The following DSG4 variants were observed in gnomAD, a reference collection of about 807,000 sequenced individuals.
DSG4 encodes desmoglein 4, also known as desmoglein-4.
DSG4 carries 87 observed loss-of-function variants against 93.1 expected under a neutral mutation model. The ratio of observed to expected loss-of-function variants is 0.93; its 90% CI spans 0.79 to 1.12. The LOEUF (loss-of-function observed/expected upper bound fraction) is 1.12, where lower values mean the gene tolerates loss of function less well. Ranked by LOEUF, DSG4 falls within the 50% of genes most tolerant of loss-of-function variation. The pLI, the probability that DSG4 is intolerant of heterozygous loss-of-function variation, is 0.00. For synonymous variants in DSG4, 432 were observed against 452.9 expected (o/e 0.95, Z 0.59); for missense variants, 1,373 against 1,285.7 (o/e 1.07, Z -1.04).
chr18:31,389,235 C>T (rs569045832), intron 5 of DSG4, among the ~76,000 whole-genome samples: 81 of 152,258 alleles, frequency 5.3e-4, no homozygotes, highest in Admixed American at 1.7e-3. Context: ...AAGGTCCCTA[C>T]AGGGATTTAG....
At chr18:31,398,046 A>C (rs1568067212) in intron 8 of DSG4, among the ~76,000 whole-genome samples, 2 of 151,918 alleles carry the variant, frequency 1.3e-5, no homozygotes, top group South Asian at 2.1e-4. Flanking sequence ...AAAAAAAAAA[A>C]AAACTTGAGG....
rs17802140 is a variant in DSG4 at position 31,392,400 on chromosome 18, A to C, written c.1005+60A>C. The C allele has an allele frequency of 0.077, 120,650 of 1,560,796 alleles. 5,326 individuals are homozygous for C. The highest frequency in any genetic ancestry group is 0.15 in the South Asian group (13,111 of 87,784). On this transcript the variant is annotated intron_variant, in intron 8 of 15. Coordinates refer to ENST00000308128, the MANE Select transcript of DSG4 (RefSeq NM_177986.5). The stretch of plus-strand genomic sequence containing the variant: ...AATATTTTATTCCAAAGAAGTTTTA[A>C]ATGACCTTAGAGACAGAATCTGCCT...
chr18:31,389,829 G>A (rs893344159), intron 5 of DSG4, among the ~76,000 whole-genome samples: 3 of 152,006 alleles, frequency 2.0e-5, no homozygotes, highest in African/African-American at 7.2e-5. Context: ...TTTGAACTAG[G>A]ATAGTCCTCC....
chr18:31,380,998 T>C (rs1416612158), intron 1 of DSG4, among the ~76,000 whole-genome samples: 2 of 152,142 alleles, frequency 1.3e-5, no homozygotes, highest in Admixed American at 6.5e-5. Flanking sequence ...TAGATGACAA[T>C]AGAGTGTGGT....
chr18:31,410,976 A>T, intron 14 of DSG4: 2 of 1,053,924 alleles, frequency 1.9e-6, no homozygotes, highest in Non-Finnish European at 2.7e-6. Context: ...CTACACCTTT[A>T]AGTCTAGGGC....
At position 31,390,576 on chromosome 18, in the gene DSG4, C is replaced by T. The variant is rs550557978; in HGVS notation, c.518-80C>T. 3.9e-6 allele frequency: 6 copies of T among 1,554,150 alleles called. No homozygotes were observed. The African/African-American group carries it at 8.1e-5, about 21-fold the overall frequency. ...AGAGAATTCAGGAGAAGGCCAACCA[C>T]TCTGTCTTCTTATGCCTAATGATTT... On this transcript the variant is annotated intron_variant, in intron 5 of 15. Coordinates refer to ENST00000308128, the MANE Select transcript of DSG4 (RefSeq NM_177986.5).
intron 2 of DSG4, among the ~76,000 whole-genome samples, 172 bp from the exon 3 acceptor site, chr18:31,386,516 G>A (rs1254392310): frequency 6.6e-6 from 1 of 152,160 alleles, no homozygotes; most frequent in African/African-American, 2.4e-5. Context: ...GTGGCAGCCA[G>A]GGGTAACCAA....
intron 5 of DSG4, 91 bp downstream of exon 5, chr18:31,389,109 G>A: frequency 6.8e-7 from 1 of 1,478,478 alleles, no homozygotes; most frequent in South Asian, 1.2e-5. Flanking sequence ...GAAATGTAAA[G>A]GACAGAAAAA....
In DSG4 at chr18:31,406,331, G is replaced by A; in HGVS notation, c.1891G>A (p.Ala631Thr). 1 of 1,614,212 alleles carries A rather than the reference G, an allele frequency of 6.2e-7. No individual in the cohort carries two copies. The highest frequency in any genetic ancestry group is 1.3e-5 in the African/African-American group (1 of 75,062). The change falls in exon 12 of 16, where the codon GCA (alanine) becomes ACA (threonine). Residue 631 changes from alanine (A) to threonine (T), a missense_variant. Physicochemically the swap from Ala to Thr is moderately conservative, Grantham distance 58. Transcript: ENST00000308128. ...AGVSNVGLGP[A>T]GIGMMVLGIL... ...AGTTTCAAATGTTGGTCTTGGACCA[G>A]CAGGGATTGGCATGATGGTTCTGGG...
rs774667369 is a variant in DSG4 at position 31,413,568 on chromosome 18, C to A, written c.3096C>A (p.Tyr1032Ter). Residue 1032 changes from tyrosine (Y) to a stop codon, truncating the protein, a stop_gained, in exon 16 of 16, where the codon TAC becomes TAA. Coordinates refer to ENST00000308128, the MANE Select transcript of DSG4 (RefSeq NM_177986.5). LOFTEE classifies it high-confidence loss of function. ...PMTSRHRVTRYSNIHYTQQ is the reference protein window; with the variant it reads ...PMTSRHRVTR ...CATCTCGACACAGAGTAACACGATACAGTAACATACATTACACCCAACAGT... is the reference window on the plus strand; with the variant it reads ...CATCTCGACACAGAGTAACACGATAAAGTAACATACATTACACCCAACAGT... The A allele has an allele frequency of 1.2e-6, 2 of 1,613,968 alleles. No individual in the cohort carries two copies. The highest frequency in any genetic ancestry group is 8.5e-7 in the Non-Finnish European group (1 of 1,180,004).
At chr18:31,410,514 TG>T (rs2072475475) in intron 14 of DSG4, among the ~76,000 whole-genome samples, 1 of 151,964 alleles carries the variant, frequency 6.6e-6, no homozygotes, top group South Asian at 2.1e-4. Flanking sequence ...TAATACAAGC[TG>T]TTTTTTTTTA....
Position 31,403,457 on chromosome 18 carries a change from G to A in DSG4, c.1459G>A (p.Val487Ile). 3 of 1,613,730 alleles carry A rather than the reference G, an allele frequency of 1.9e-6. No homozygotes were observed. Among genetic ancestry groups the A allele is most frequent in the Non-Finnish European group, 2.5e-6 (3 of 1,179,844 alleles). Residue 487 changes from valine (V) to isoleucine (I), a missense_variant, in exon 11 of 16, where the codon GTT (valine) becomes ATT (isoleucine). Physicochemically the swap from Val to Ile is conservative, Grantham distance 29 (BLOSUM62 3). Coordinates refer to ENST00000308128, the MANE Select transcript of DSG4 (RefSeq NM_177986.5). ...KTATGTICIE[V>I]PDINDYCPNI... ...AGCTACAGGAACCATATGTATTGAG[G>A]TTCCTGATATCAATGATTATTGTCC...
At chr18:31,407,662 A>G (rs1228358646) in intron 12 of DSG4, among the ~76,000 whole-genome samples, 3 of 152,258 alleles carry the variant, frequency 2.0e-5, no homozygotes, top group African/African-American at 4.8e-5. Flanking sequence ...CATAAAAAAT[A>G]ACAGCTGACT....
In DSG4 at chr18:31,400,993, T is replaced by C; in HGVS notation, c.1390T>C (p.Tyr464His). ...KKSKYIINGIYTAEILAIDDG... is the reference protein window; with the variant it reads ...KKSKYIINGIHTAEILAIDDG... Reference sequence around the variant, plus strand: ...GTCAAAATATATTATCAATGGGATATACACAGCAGAGATCCTGGCTATAGA... The same window carrying C: ...GTCAAAATATATTATCAATGGGATACACACAGCAGAGATCCTGGCTATAGA... Residue 464 changes from tyrosine (Y) to histidine (H), a missense_variant, in exon 10 of 16, where the codon TAC (tyrosine) becomes CAC (histidine). Transcript: ENST00000308128. The C allele has an allele frequency of 6.2e-7, 1 of 1,608,070 alleles. No individual in the cohort carries two copies. Among genetic ancestry groups the C allele is most frequent in the Non-Finnish European group, 8.5e-7 (1 of 1,176,650 alleles).
chr18:31,384,435 A>G (rs2072166082), intron 1 of DSG4, among the ~76,000 whole-genome samples: 1 of 152,202 alleles, frequency 6.6e-6, no homozygotes, highest in Non-Finnish European at 1.5e-5. Context: ...TAGGCTGCTC[A>G]ATAAAAACCT....
In DSG4 at chr18:31,411,084, G is replaced by A. The variant is rs559058148; in HGVS notation, c.2138-147G>A. The A allele has an allele frequency of 2.5e-5, 39 of 1,564,042 alleles. No homozygotes were observed. In the East Asian group the frequency reaches 6.4e-4, roughly 26 times the overall value. On this transcript the variant is annotated intron_variant, in intron 14 of 15. Coordinates refer to ENST00000308128, the MANE Select transcript of DSG4 (RefSeq NM_177986.5). Reference sequence around the variant, plus strand: ...GGTCAACAAGCCTGGAGATGTATCGGTGTAACTTGTATCTCTCTTTGTCAG... The same window carrying A: ...GGTCAACAAGCCTGGAGATGTATCGATGTAACTTGTATCTCTCTTTGTCAG...
At chr18:31,402,444 A>C (rs2072378229) in intron 10 of DSG4, among the ~76,000 whole-genome samples, 1 of 152,214 alleles carries the variant, frequency 6.6e-6, no homozygotes, top group African/African-American at 2.4e-5. Flanking sequence ...AGCTAAGTGA[A>C]ATCGACATCC....
intron 12 of DSG4, among the ~76,000 whole-genome samples, chr18:31,407,226 T>C (rs992224701): frequency 6.6e-6 from 1 of 152,074 alleles, no homozygotes; most frequent in Admixed American, 6.5e-5. Context: ...AAAGGGAGTC[T>C]GGGAGCCAGC....
intron 1 of DSG4, among the ~76,000 whole-genome samples, chr18:31,378,251 A>G (rs1193486752): frequency 6.6e-6 from 1 of 152,218 alleles, no homozygotes; most frequent in African/African-American, 2.4e-5. Flanking sequence ...TTATTTATTT[A>G]CTAAATAAAA....
Sources: gnomAD v4.1 joint callset for allele counts (sites outside exome capture counted in the v4.1 genomes callset) on GRCh38, gnomAD v4.1.1 for gene constraint, MANE v1.5 for transcripts, NCBI Gene and HGNC (gene_info 2026-07-23, HGNC 2026-07-21) for gene names.